HIVEP1: variants seen among roughly 807,000 people sequenced by gnomAD.
HIVEP1 encodes HIVEP zinc finger 1, also known as zinc finger protein 40.
In HIVEP1, 36 loss-of-function variants were observed where a neutral mutation model predicts 180.0. The ratio of observed to expected loss-of-function variants is 0.20; its 90% CI spans 0.15 to 0.26. The LOEUF (loss-of-function observed/expected upper bound fraction) is 0.26. HIVEP1 is among the 10% of genes least tolerant of loss of function. The pLI is 1.00. For synonymous variants in HIVEP1, 1,239 were observed against 1,239.0 expected (o/e 1.00, Z 0.00); for missense variants, 3,143 against 3,268.7 (o/e 0.96, Z 0.94).
chr6:12,020,330 G>A, intron 2 of HIVEP1: 2 of 471,200 alleles, frequency 4.2e-6, no homozygotes, highest in South Asian at 3.1e-5. Context: ...GCAGCACTTG[G>A]TGTTCAGAAG....
rs527597513 is a variant in HIVEP1 at position 12,106,036 on chromosome 6, A to G, written c.95-13854A>G. On this transcript the variant is annotated intron_variant, in intron 3 of 8. Coordinates refer to ENST00000379388, the MANE Select transcript of HIVEP1 (RefSeq NM_002114.4). ...TATACATATATATACACACACATAT[A>G]TACATATATATACACACACACATAT... 1.3e-4 allele frequency among the ~76,000 whole-genome samples: 19 copies of G among 151,624 alleles called. No individual in the cohort carries two copies. The South Asian group carries it at 3.7e-3, about 30-fold the overall frequency.
downstream of HIVEP1, among the ~76,000 whole-genome samples, chr6:12,168,319 C>CATATATACATATATA (rs1554161608): frequency 1.5e-5 from 2 of 130,260 alleles, no homozygotes; most frequent in Non-Finnish European, 3.1e-5. Flanking sequence ...ATATTATATA[C>CATATATACATATATA]ATATATATTA....
chr6:12,103,885 G>A (rs147134806), intron 3 of HIVEP1, among the ~76,000 whole-genome samples: 324 of 152,096 alleles, frequency 2.1e-3, no homozygotes, highest in African/African-American at 7.3e-3. Context: ...GTTTGTTGTG[G>A]CAAATTCTTT....
intron 2 of HIVEP1, among the ~76,000 whole-genome samples, chr6:12,068,522 G>A (rs1334098460): frequency 2.0e-5 from 3 of 152,122 alleles, no homozygotes; most frequent in Admixed American, 2.0e-4. Context: ...AATTTGGAAG[G>A]AGGAAACAGG....
chr6:12,156,871 C>T (rs1292440906), intron 7 of HIVEP1, among the ~76,000 whole-genome samples: 2 of 152,026 alleles, frequency 1.3e-5, no homozygotes, highest in South Asian at 2.1e-4. Flanking sequence ...TAGTGTTTTG[C>T]GGGTCTTTTA....
chr6:12,195,128 C>T, the HIVEP1 span, among the ~76,000 whole-genome samples: 2 of 152,212 alleles, frequency 1.3e-5, no homozygotes, highest in East Asian at 3.8e-4. Flanking sequence ...GTTTTCATCT[C>T]TGACTCCAGA....
chr6:12,161,644 T>C lies in HIVEP1; in HGVS notation c.6693T>C (p.Asp2231=), dbSNP rs1760405670. 1 of 1,614,166 alleles carries C rather than the reference T, an allele frequency of 6.2e-7. No individual in the cohort carries two copies. Among genetic ancestry groups the C allele is most frequent in the Non-Finnish European group, 8.5e-7 (1 of 1,180,022 alleles). Reference sequence around the variant, plus strand: ...AGGACCCTGTGAGTACTGACGAGGATGTCAGGATCACCGATTGCTTTTCTG... The same window carrying C: ...AGGACCCTGTGAGTACTGACGAGGACGTCAGGATCACCGATTGCTTTTCTG... ...SLQDPVSTDE[D]VRITDCFSGV... is the part of the protein sequence containing the mutation. The change falls in exon 8 of 9, where the codon GAT becomes GAC. Residue 2231 remains aspartate, a synonymous_variant. Transcript: ENST00000379388.
At position 12,164,426 on chromosome 6, in the gene HIVEP1, G is replaced by C; in HGVS notation, c.8122G>C (p.Asp2708His). 1 of 1,612,810 alleles carries C rather than the reference G, an allele frequency of 6.2e-7. No homozygotes were observed. The highest frequency in any genetic ancestry group is 8.5e-7 in the Non-Finnish European group (1 of 1,179,630). The change falls in exon 9 of 9, where the codon GAT (aspartate) becomes CAT (histidine). Residue 2708 changes from aspartate (D) to histidine (H), a missense_variant. Transcript: ENST00000379388. ...TGTGCACTTCAGCGACGTGAGCAGC[G>C]ATGATGACGAGGACAGGCTTGTGAT... is the stretch of plus-strand genomic sequence containing the variant. The part of the protein sequence containing the change: ...PTVHFSDVSS[D>H]DDEDRLVIAT
At chr6:12,046,865 G>A (rs977276526) in intron 2 of HIVEP1, among the ~76,000 whole-genome samples, 5 of 151,558 alleles carry the variant, frequency 3.3e-5, no homozygotes, top group African/African-American at 9.7e-5. Context: ...GTGTGTGTGT[G>A]TGTGTGTGTG....
intron 3 of HIVEP1, among the ~76,000 whole-genome samples, chr6:12,089,620 C>A (rs920535052): frequency 5.3e-5 from 8 of 149,666 alleles, no homozygotes; most frequent in African/African-American, 1.7e-4. Context: ...TTTTTTGTAG[C>A]GACAAAAACC....
chr6:12,017,333 T>C (rs1767856373), intron 2 of HIVEP1, among the ~76,000 whole-genome samples: 1 of 152,230 alleles, frequency 6.6e-6, no homozygotes, highest in Non-Finnish European at 1.5e-5. Context: ...AGGTTGTTCC[T>C]TCTGATGTTC....
chr6:12,182,535 A>G, the HIVEP1 span, among the ~76,000 whole-genome samples: 2 of 152,230 alleles, frequency 1.3e-5, no homozygotes, highest in Admixed American at 1.3e-4. Context: ...GTGATTTCAA[A>G]GAAGGTTTTC....
chr6:12,159,659 A>C (rs1208151876), intron 7 of HIVEP1, among the ~76,000 whole-genome samples: 1 of 152,220 alleles, frequency 6.6e-6, no homozygotes, highest in Non-Finnish European at 1.5e-5. Flanking sequence ...ATTTACCCAG[A>C]AATCACACAT....
chr6:12,122,885 A>G lies in HIVEP1; in HGVS notation c.3090A>G (p.Lys1030=). The change falls in exon 4 of 9, where the codon AAA becomes AAG. Residue 1030 remains lysine (K), a synonymous_variant. Transcript: ENST00000379388. The stretch of plus-strand genomic sequence containing the variant: ...GGGAACAGACGCCCCAGATAAGAAA[A>G]AGGAGGAAAATGAAAAGTGTTGGGG... The part of the protein sequence containing the change: ...GIWEQTPQIR[K]RRKMKSVGDD... 1.2e-6 allele frequency: 2 copies of G among 1,614,100 alleles called. No individual in the cohort carries two copies. The highest frequency in any genetic ancestry group is 1.7e-6 in the Non-Finnish European group (2 of 1,179,996).
Position 12,087,173 on chromosome 6 carries a change from C to T in HIVEP1, c.41-2011C>T, listed in dbSNP as rs529631597. Among the ~76,000 whole-genome samples, 3 of 152,094 alleles carry T rather than the reference C, an allele frequency of 2.0e-5. 1 individual carries two copies. The East Asian group carries it at 5.8e-4, about 29-fold the overall frequency. The stretch of plus-strand genomic sequence containing the variant: ...TGTTATTATCAAGATAAAAAGGTAA[C>T]TTAGTTGAAAATTTTAAAAGCAGAG... On this transcript the variant is annotated intron_variant, in intron 2 of 8. Transcript: ENST00000379388.
intron 2 of HIVEP1, chr6:12,037,804 T>C (rs545087152): frequency 2.3e-6 from 1 of 444,012 alleles, no homozygotes; most frequent in Non-Finnish European, 4.0e-6. Context: ...GGGGACAAGC[T>C]AAGGCTTGTC....
At chr6:12,064,925 A>G (rs1771469048) in intron 2 of HIVEP1, among the ~76,000 whole-genome samples, 1 of 152,238 alleles carries the variant, frequency 6.6e-6, no homozygotes, top group Non-Finnish European at 1.5e-5. Context: ...ATGTGAATCC[A>G]GCCATATTGA....
intron 2 of HIVEP1, among the ~76,000 whole-genome samples, chr6:12,068,067 C>T (rs953061031): frequency 1.3e-5 from 2 of 152,070 alleles, no homozygotes; most frequent in African/African-American, 4.8e-5. Flanking sequence ...GATGAAAGAG[C>T]AGACTTCTTA....
intron 3 of HIVEP1, among the ~76,000 whole-genome samples, chr6:12,110,591 A>G (rs1474608033): frequency 6.6e-6 from 1 of 152,196 alleles, no homozygotes; most frequent in Non-Finnish European, 1.5e-5. Flanking sequence ...TTCAGCCTTC[A>G]TAGCATTGAA....
Sources: allele counts gnomAD v4.1 joint callset (sites outside exome capture counted in the v4.1 genomes callset), GRCh38; gene constraint gnomAD v4.1.1; transcripts MANE v1.5; gene names NCBI Gene and HGNC (gene_info 2026-07-23, HGNC 2026-07-21).